ROCK1: variants seen among roughly 807,000 people sequenced by gnomAD.
ROCK1 encodes rho-associated protein kinase 1.
In ROCK1, 36 loss-of-function variants were observed where a neutral mutation model predicts 196.8. The ratio of observed to expected loss-of-function variants is 0.18; its 90% CI spans 0.14 to 0.24. The LOEUF (loss-of-function observed/expected upper bound fraction) is 0.24. Among genes scored for constraint, ROCK1 ranks in the 10% least tolerant of loss-of-function variants. The probability of loss-of-function intolerance (pLI) is 1.00; values close to 1 mark genes in which losing one functional copy is unlikely to be tolerated. For synonymous variants in ROCK1, 443 were observed against 515.9 expected (o/e 0.86, Z 1.91); for missense variants, 920 against 1,562.0 (o/e 0.59, Z 6.93).
chr18:21,091,678 G>A (rs1409197005), intron 1 of ROCK1, among the ~76,000 whole-genome samples: 2 of 152,018 alleles, frequency 1.3e-5, no homozygotes, highest in Non-Finnish European at 2.9e-5. Context: ...GCTGTTAATT[G>A]TTAAATCTGG....
chr18:20,991,624 CT>C (rs1030511975), intron 17 of ROCK1, among the ~76,000 whole-genome samples: 5 of 150,986 alleles, frequency 3.3e-5, no homozygotes, highest in African/African-American at 7.3e-5. Flanking sequence ...CTGATACCAT[CT>C]TTTTTTTTCT....
chr18:21,089,017 TTA>T (rs1392571628), intron 1 of ROCK1, among the ~76,000 whole-genome samples: 1 of 152,180 alleles, frequency 6.6e-6, no homozygotes, highest in Non-Finnish European at 1.5e-5. Context: ...AAAATTCCCA[TTA>T]TATGTTATTA....
chr18:21,048,974 G>T, intron 4 of ROCK1, 118 bp downstream of exon 4: 1 of 818,814 alleles, frequency 1.2e-6, no homozygotes, highest in South Asian at 4.5e-5. Context: ...AAGGTAATTA[G>T]ACAATTTTGT....
At chr18:21,073,743 A>G (rs115774207) in intron 1 of ROCK1, among the ~76,000 whole-genome samples, 2,678 of 152,320 alleles carry the variant, frequency 0.018, 76 homozygotes, top group African/African-American at 0.059. Context: ...TGAAAATCAA[A>G]CTACTTCTAA....
intron 1 of ROCK1, among the ~76,000 whole-genome samples, chr18:21,089,324 T>C (rs2036551595): frequency 6.6e-6 from 1 of 152,196 alleles, no homozygotes; most frequent in Non-Finnish European, 1.5e-5. Flanking sequence ...CCTCCCAAAA[T>C]GCTGGGATTA....
intron 22 of ROCK1, among the ~76,000 whole-genome samples, chr18:20,976,426 A>G (rs2035481421): frequency 6.6e-6 from 1 of 152,198 alleles, no homozygotes; most frequent in African/African-American, 2.4e-5. Flanking sequence ...AACCTTTTAC[A>G]TAAAAATTCA....
At chr18:21,100,728 T>C (rs2036652525) in intron 1 of ROCK1, among the ~76,000 whole-genome samples, 1 of 152,164 alleles carries the variant, frequency 6.6e-6, no homozygotes, top group Non-Finnish European at 1.5e-5. Context: ...AGACTGCATG[T>C]AGGGAGGGAG....
chr18:21,099,166 C>T (rs2036636074), intron 1 of ROCK1, among the ~76,000 whole-genome samples: 1 of 151,918 alleles, frequency 6.6e-6, no homozygotes, highest in South Asian at 2.1e-4. Context: ...ATGCTAACAC[C>T]CACAAAATGG....
chr18:20,981,662 CA>C (rs1019726657), intron 21 of ROCK1, among the ~76,000 whole-genome samples: 8 of 152,098 alleles, frequency 5.3e-5, no homozygotes, highest in African/African-American at 1.9e-4. Context: ...GGCCAGGAAA[CA>C]GCTGTGGAGA....
intron 2 of ROCK1, among the ~76,000 whole-genome samples, chr18:21,063,945 C>A (rs555246338): frequency 6.6e-6 from 1 of 152,264 alleles, no homozygotes; most frequent in African/African-American, 2.4e-5. Context: ...TAAAGATCTT[C>A]AATCACCTCA....
chr18:20,974,870 T>C (rs1433275463), intron 22 of ROCK1, among the ~76,000 whole-genome samples: 1 of 152,232 alleles, frequency 6.6e-6, no homozygotes. Flanking sequence ...TCCATTTAAA[T>C]ATGCTCAAGT....
intron 2 of ROCK1, among the ~76,000 whole-genome samples, chr18:21,058,838 G>T (rs766625841): frequency 3.9e-5 from 6 of 151,986 alleles, no homozygotes; most frequent in Non-Finnish European, 7.4e-5. Context: ...CTCGGCCTCC[G>T]AAAGTGCTGA....
At chr18:21,088,978 C>T (rs1464606048) in intron 1 of ROCK1, among the ~76,000 whole-genome samples, 1 of 152,026 alleles carries the variant, frequency 6.6e-6, no homozygotes, top group South Asian at 2.1e-4. Flanking sequence ...GTTATAGCAG[C>T]AGAAATAAAC....
At chr18:21,109,550 G>A (rs1568412802) in intron 1 of ROCK1, among the ~76,000 whole-genome samples, 1 of 151,942 alleles carries the variant, frequency 6.6e-6, no homozygotes, top group Non-Finnish European at 1.5e-5. Context: ...AATCTATTAC[G>A]CATCAACCTT....
intron 23 of ROCK1, 100 bp from the exon 24 acceptor site, chr18:20,969,308 C>T (rs2035404400): frequency 1.6e-6 from 1 of 619,582 alleles, no homozygotes; most frequent in Non-Finnish European, 2.8e-6. Flanking sequence ...ACAGGTCAGA[C>T]ACTGCTGAAC....
In ROCK1 at chr18:20,947,053, C is replaced by G. The variant is rs2035135037; in HGVS notation, c.*4331G>C. On this transcript the variant is annotated 3_prime_UTR_variant, in exon 33 of 33. Coordinates refer to ENST00000399799, the MANE Select transcript of ROCK1 (RefSeq NM_005406.3). ...CATTTATATTTTTTCCCTTGAATCT[C>G]CAACATCTCAAATACTTTATGGGAA... 1 of 152,136 alleles carries G rather than the reference C, an allele frequency of 6.6e-6. No individual in the cohort carries two copies. Among genetic ancestry groups the G allele is most frequent in the Non-Finnish European group, 1.5e-5 (1 of 68,032 alleles). The allele number at this position is 152,136 out of a possible 1,614,324, so 9.4% of individuals were successfully genotyped here. A position where few individuals can be genotyped will look rare whatever the true frequency, so the allele number is the denominator to read the frequency against.
intron 1 of ROCK1, among the ~76,000 whole-genome samples, chr18:21,110,429 T>C (rs529219508): frequency 6.6e-6 from 1 of 152,282 alleles, no homozygotes; most frequent in African/African-American, 2.4e-5. Context: ...AAATGCAAAG[T>C]AGTCTTTCCA....
At chr18:20,954,527 G>A (rs1568365646) in intron 31 of ROCK1, among the ~76,000 whole-genome samples, 2 of 152,220 alleles carry the variant, frequency 1.3e-5, no homozygotes, top group African/African-American at 2.4e-5. Flanking sequence ...AGTGAGCTGA[G>A]ATCACGCCAC....
intron 1 of ROCK1, among the ~76,000 whole-genome samples, chr18:21,073,310 T>C (rs952687585): frequency 6.6e-6 from 1 of 152,044 alleles, no homozygotes; most frequent in Non-Finnish European, 1.5e-5. Context: ...TTTACAGTGA[T>C]CTCTAAAGTA....
Sources: allele counts gnomAD v4.1 joint callset (sites outside exome capture counted in the v4.1 genomes callset), GRCh38; gene constraint gnomAD v4.1.1; transcripts MANE v1.5; gene names NCBI Gene and HGNC (gene_info 2026-07-23, HGNC 2026-07-21).